The following XDH variants were observed in gnomAD, a reference collection of about 807,000 sequenced individuals.
The protein encoded by XDH is xanthine dehydrogenase.
A neutral mutation model predicts 156.1 loss-of-function variants in XDH; 138 were observed. The observed-to-expected ratio is 0.88, with a 90% CI of 0.77 to 1.02. The LOEUF is 1.02. XDH is among the 50% of genes least tolerant of loss of function. The pLI, the probability that XDH is intolerant of heterozygous loss-of-function variation, is 0.00. For missense variants in XDH, 1,849 were observed against 1,684.9 expected (o/e 1.10, Z -1.71); for synonymous variants, 669 against 625.7 (o/e 1.07, Z -1.03).
In XDH at chr2:31,366,070, T is replaced by A. The variant is rs141050887; in HGVS notation, c.2362A>T (p.Ile788Phe). ...CCCATTCTCTTCACTCGAACCACAA[T>A]CCGGTTTGCTGGAACCCCCAACATT... ...AKMLGVPANRIVVRVKRMGGG... is the reference protein window; with the variant it reads ...AKMLGVPANRFVVRVKRMGGG... Residue 788 changes from isoleucine to phenylalanine, a missense_variant, in exon 22 of 36, where the codon ATT (isoleucine) becomes TTT (phenylalanine). Ile to Phe is a conservative substitution (Grantham distance 21). Coordinates refer to ENST00000379416, the MANE Select transcript of XDH (RefSeq NM_000379.4). The A allele has an allele frequency of 1.2e-3, 1,930 of 1,613,956 alleles. 3 individuals carry two copies. Among genetic ancestry groups the A allele is most frequent in the Non-Finnish European group, 1.6e-3 (1,844 of 1,180,010 alleles).
At chr2:31,386,330 C>G in intron 9 of XDH, 84 bp downstream of exon 9, 15 of 1,579,446 alleles carry the variant, frequency 9.5e-6, no homozygotes, top group Non-Finnish European at 1.3e-5. Flanking sequence ...CAAGTAAAGT[C>G]AGGGGGAGGT....
chr2:31,362,397 A>G (rs796921349), intron 24 of XDH, among the ~76,000 whole-genome samples: 16 of 152,368 alleles, frequency 1.1e-4, no homozygotes, highest in African/African-American at 3.8e-4. Context: ...TTGTGAGAGG[A>G]GCTCCTACAA....
chr2:31,374,770 C>G (rs1476102184), intron 15 of XDH, among the ~76,000 whole-genome samples: 1 of 152,116 alleles, frequency 6.6e-6, no homozygotes. Flanking sequence ...TCCATGTTCT[C>G]CCCGACACTG....
At position 31,387,845 on chromosome 2, in the gene XDH, G is replaced by A. The variant is rs201332711; in HGVS notation, c.617C>T (p.Pro206Leu). The A allele has an allele frequency of 3.7e-4, 586 of 1,588,708 alleles. 2 individuals are homozygous for A. Among genetic ancestry groups the A allele is most frequent in the Non-Finnish European group, 4.0e-4 (472 of 1,168,032 alleles). The change falls in exon 8 of 36, where the codon CCA becomes CTA. Residue 206 changes from proline (P) to leucine (L), a missense_variant. Pro to Leu is a moderately conservative substitution (Grantham distance 98, BLOSUM62 -3). Transcript: ENST00000379416. Reference sequence around the variant, plus strand: ...TGGGGGAAAAATGGGCTCCTGGGTTGGATCCAGGGGCGTGAACTCCTCTGG... The same window carrying A: ...TGGGGGAAAAATGGGCTCCTGGGTTAGATCCAGGGGCGTGAACTCCTCTGG... ...FKPEEFTPLDPTQEPIFPPEL... is the reference protein window; with the variant it reads ...FKPEEFTPLDLTQEPIFPPEL...
chr2:31,365,209 G>C (rs1685876850), intron 23 of XDH, among the ~76,000 whole-genome samples: 1 of 152,210 alleles, frequency 6.6e-6, no homozygotes, highest in African/African-American at 2.4e-5. Flanking sequence ...AGCCTGACCA[G>C]ACTCAGAACA....
At chr2:31,368,089 G>A (rs778969975) in intron 19 of XDH, 32 bp from the exon 20 acceptor site, 4 of 1,598,928 alleles carry the variant, frequency 2.5e-6, no homozygotes, top group Non-Finnish European at 3.4e-6. Context: ...CAGAAATGTG[G>A]CTTTTAGCAG....
At chr2:31,375,115 T>A (rs563908982) in intron 15 of XDH, among the ~76,000 whole-genome samples, 6 of 136,552 alleles carry the variant, frequency 4.4e-5, no homozygotes, top group Admixed American at 3.2e-4. Context: ...AACCTCCACC[T>A]CCCGAGTTCA....
Position 31,337,046 on chromosome 2 carries a change from A to G in XDH, c.3951+595T>C, listed in dbSNP as rs531679867. Among the ~76,000 whole-genome samples the G allele has an allele frequency of 1.1e-4, 16 of 151,782 alleles. No homozygotes were observed. The South Asian group carries it at 3.3e-3, about 32-fold the overall frequency. ...ATAGGTGCTTCTTAAAGTGATTCCA[A>G]TGACTACGGAATTCTTCTACTACTT... On this transcript the variant is annotated intron_variant, in intron 35 of 35. Coordinates refer to ENST00000379416, the MANE Select transcript of XDH (RefSeq NM_000379.4).
rs965055870 is a variant in XDH at position 31,398,047 on chromosome 2, A to C, written c.434-318T>G. ...CTACATTACAAACTCTCCTCTTCAG[A>C]GTATGAACTTTTTGAGAGTAGAGGG... On this transcript the variant is annotated intron_variant, in intron 5 of 35. Transcript: ENST00000379416. Among the ~76,000 whole-genome samples, 8 of 152,166 alleles carry C rather than the reference A, an allele frequency of 5.3e-5. No homozygotes were observed. In the East Asian group the frequency reaches 1.5e-3, roughly 29 times the overall value.
chr2:31,392,404 T>A (rs1442372265), intron 6 of XDH, among the ~76,000 whole-genome samples: 1 of 151,510 alleles, frequency 6.6e-6, no homozygotes, highest in Non-Finnish European at 1.5e-5. Context: ...ATTTTATTTG[T>A]ATTTTATTTT....
chr2:31,375,630 G>C (rs1265856942), intron 14 of XDH, 76 bp from the exon 15 acceptor site: 2 of 1,528,418 alleles, frequency 1.3e-6, no homozygotes, highest in Non-Finnish European at 8.9e-7. Flanking sequence ...GTGTGCCCAG[G>C]GCCTCGGAGC....
At chr2:31,365,668 G>A in intron 22 of XDH, 124 bp from the exon 23 acceptor site, 3 of 1,187,840 alleles carry the variant, frequency 2.5e-6, no homozygotes, top group Non-Finnish European at 3.7e-6. Context: ...GACCTGTACA[G>A]GGCTGCTTTG....
At position 31,368,762 on chromosome 2, in the gene XDH, A is replaced by G. The variant is rs911198529; in HGVS notation, c.1981-102T>C. ...GCCAAAAGAAGTCCCTGCCCTCACA[A>G]TCAAAGCACACTTTAGGAATGCCCT... is the stretch of plus-strand genomic sequence containing the variant. On this transcript the variant is annotated intron_variant, in intron 18 of 35. Coordinates refer to ENST00000379416, the MANE Select transcript of XDH (RefSeq NM_000379.4). 56 of 1,602,456 alleles carry G rather than the reference A, an allele frequency of 3.5e-5. No individual in the cohort carries two copies. In the Middle Eastern group the frequency reaches 1.3e-3, roughly 38 times the overall value.
intron 6 of XDH, among the ~76,000 whole-genome samples, chr2:31,392,485 C>T (rs559200568): frequency 4.6e-5 from 7 of 152,000 alleles, no homozygotes; most frequent in Admixed American, 1.3e-4. Context: ...AGTGCAATGG[C>T]GCAATCTTGG....
At chr2:31,390,068 C>A (rs1361862019) in intron 6 of XDH, among the ~76,000 whole-genome samples, 1 of 152,176 alleles carries the variant, frequency 6.6e-6, no homozygotes, top group Non-Finnish European at 1.5e-5. Context: ...TGGTGTTGTA[C>A]ATTCCATTGG....
chr2:31,370,206 T>G (rs1686035435), intron 18 of XDH, 149 bp downstream of exon 18: 1 of 886,692 alleles, frequency 1.1e-6, no homozygotes, highest in African/African-American at 1.7e-5. Context: ...TCTATCTTTT[T>G]GGATTGTCCT....
chr2:31,382,336 A>T (rs1343545973), intron 11 of XDH, among the ~76,000 whole-genome samples: 1 of 151,778 alleles, frequency 6.6e-6, no homozygotes. Flanking sequence ...CAGAAGTGAC[A>T]GGTACTTGGG....
intron 20 of XDH, 109 bp downstream of exon 20, chr2:31,367,852 G>C (rs1436121972): frequency 1.9e-6 from 2 of 1,080,466 alleles, no homozygotes; most frequent in Non-Finnish European, 2.9e-6. Flanking sequence ...TCTTCTGTCA[G>C]GAAATGTCCA....
rs534611293 is a variant in XDH at position 31,414,038 on chromosome 2, G to A, written c.42+587C>T. 2.0e-5 allele frequency among the ~76,000 whole-genome samples: 3 copies of A among 152,116 alleles called. 1 individual carries two copies. The South Asian group carries it at 6.2e-4, about 32-fold the overall frequency. ...AACTCACTGTGTGTGGGTGGGGAGT[G>A]GGGGGAATGCAGGAGATGCCCTTTA... On this transcript the variant is annotated intron_variant, in intron 1 of 35. Transcript: ENST00000379416.
Sources: allele counts gnomAD v4.1 joint callset (sites outside exome capture counted in the v4.1 genomes callset), GRCh38; gene constraint gnomAD v4.1.1; transcripts MANE v1.5; gene names NCBI Gene and HGNC (gene_info 2026-07-23, HGNC 2026-07-21).